Variants in KCNQ1 observed in about 807,000 individuals in gnomAD.
The protein encoded by KCNQ1 is potassium voltage-gated channel subfamily KQT member 1.
In KCNQ1, 49 loss-of-function variants were observed where a neutral mutation model predicts 72.4. That is an observed-to-expected ratio of 0.68 (90% CI 0.54 to 0.86). The LOEUF is 0.86. Ranked by LOEUF, KCNQ1 falls within the 40% of genes least tolerant of loss-of-function variation. KCNQ1 has a pLI of 0.00. For synonymous variants in KCNQ1, 450 were observed against 412.6 expected (o/e 1.09, Z -1.10); for missense variants, 790 against 945.1 (o/e 0.84, Z 2.15).
intron 15 of KCNQ1, among the ~76,000 whole-genome samples, chr11:2,814,217 G>C (rs538972565): frequency 6.6e-6 from 1 of 151,480 alleles, no homozygotes; most frequent in Non-Finnish European, 1.5e-5. Context: ...TGAATGGATA[G>C]AGGTGGATGG....
At position 2,598,674 on chromosome 11, in the gene KCNQ1, A is replaced by T. The variant is rs1848763410; in HGVS notation, c.1393+9820A>T. On this transcript the variant is annotated intron_variant, in intron 10 of 15. Coordinates refer to ENST00000155840, the MANE Select transcript of KCNQ1 (RefSeq NM_000218.3). This position sits in a 1 kb window ranked among gnomAD's most constrained non-coding sequence, Gnocchi z 6.2. ...CAGGAAAATTAAATCTTCCTGTACA[A>T]TTATGTTTCTAAAAATTGAGTGGCA... Among the ~76,000 whole-genome samples the T allele has an allele frequency of 6.6e-6, 1 of 151,816 alleles. No individual in the cohort carries two copies. Among genetic ancestry groups the T allele is most frequent in the South Asian group, 2.1e-4 (1 of 4,818 alleles).
rs544747854 is a variant in KCNQ1 at position 2,499,195 on chromosome 11, G to T, written c.387-28733G>T. On this transcript the variant is annotated intron_variant, in intron 1 of 15. Transcript: ENST00000155840. ...GCCAGATGTAAAGTGTAGAATTTTT[G>T]ATTTTGTTTTTTTGCTTGTTTATGC... Among the ~76,000 whole-genome samples, 484 of 152,222 alleles carry T rather than the reference G, an allele frequency of 3.2e-3. 2 individuals carry two copies. Among genetic ancestry groups the T allele is most frequent in the South Asian group, 0.012 (56 of 4,828 alleles).
chr11:2,805,755 T>C (rs907507805), intron 15 of KCNQ1, among the ~76,000 whole-genome samples: 5 of 152,212 alleles, frequency 3.3e-5, no homozygotes, highest in Non-Finnish European at 7.3e-5. Context: ...TTGTGTGGTC[T>C]TCCGTGCTGG....
intron 1 of KCNQ1, among the ~76,000 whole-genome samples, chr11:2,518,193 C>T (rs781576886): frequency 8.5e-5 from 13 of 152,244 alleles, no homozygotes; most frequent in Non-Finnish European, 1.3e-4. Context: ...CTGCTCTGGT[C>T]GGGGAGGCAG....
In KCNQ1 at chr11:2,715,794, GC is replaced by G. The variant is rs1851082648; in HGVS notation, c.1515-53046del. Among the ~76,000 whole-genome samples the G allele has an allele frequency of 6.6e-6, 1 of 152,218 alleles. No individual in the cohort carries two copies. The highest frequency in any genetic ancestry group is 1.5e-5 in the Non-Finnish European group (1 of 68,034). Reference sequence around the variant, plus strand: ...CTGTGAGGGTTGACCAGCTGGAGCAGCCCCGCATCCCACATCCCCGCAGCCT... The same window carrying G: ...CTGTGAGGGTTGACCAGCTGGAGCAGCCCGCATCCCACATCCCCGCAGCCT... On this transcript the variant is annotated intron_variant, in intron 11 of 15. Transcript: ENST00000155840. This position sits in a 1 kb window ranked among gnomAD's most constrained non-coding sequence, Gnocchi z 4.9.
rs1845942990 is a variant in KCNQ1 at position 2,735,575 on chromosome 11, T to C, written c.1515-33269T>C. On this transcript the variant is annotated intron_variant, in intron 11 of 15. Coordinates refer to ENST00000155840, the MANE Select transcript of KCNQ1 (RefSeq NM_000218.3). The surrounding 1 kb of genome is among the most constrained non-coding windows in gnomAD (Gnocchi z 7.7). ...CCCTCTCCCTCCTCACCATTTTCTGTTGAGCACACTTGAGGAGCACTTGGA... is the reference window on the plus strand; with the variant it reads ...CCCTCTCCCTCCTCACCATTTTCTGCTGAGCACACTTGAGGAGCACTTGGA... 6.6e-6 allele frequency among the ~76,000 whole-genome samples: 1 copy of C among 152,100 alleles called. No homozygotes were observed. Among genetic ancestry groups the C allele is most frequent in the African/African-American group, 2.4e-5 (1 of 41,430 alleles).
intron 1 of KCNQ1, among the ~76,000 whole-genome samples, chr11:2,523,447 G>A (rs963595877): frequency 5.9e-5 from 9 of 152,136 alleles, no homozygotes; most frequent in African/African-American, 1.9e-4. Flanking sequence ...CAATCCTCCC[G>A]CCTCGGCCTC....
chr11:2,665,292 T>C (rs1850046255), intron 11 of KCNQ1: 1 of 398,220 alleles, frequency 2.5e-6, no homozygotes, highest in South Asian at 1.3e-4. Context: ...CCCAGAACCA[T>C]ATGACAGGGC....
intron 11 of KCNQ1, chr11:2,672,936 C>T (rs1850213192): frequency 2.5e-6 from 1 of 398,636 alleles, no homozygotes; most frequent in African/African-American, 2.1e-5. Flanking sequence ...AGGCCCACCA[C>T]AGGTGGCAAG....
chr11:2,633,100 C>G (rs1189705505), intron 10 of KCNQ1: 1 of 398,328 alleles, frequency 2.5e-6, no homozygotes, highest in African/African-American at 2.1e-5. Context: ...TTTTTGAAAA[C>G]AGCCATTCTA....
rs907726229 is a variant in KCNQ1 at position 2,683,329 on chromosome 11, G to T, written c.1514+21248G>T. ...GACACATAGAGGCCAGGTTTCCCCCGCTCAACACTAGGCCACTGTGCCTGC... is the reference window on the plus strand; with the variant it reads ...GACACATAGAGGCCAGGTTTCCCCCTCTCAACACTAGGCCACTGTGCCTGC... On this transcript the variant is annotated intron_variant, in intron 11 of 15. Transcript: ENST00000155840. The surrounding 1 kb of genome is among the most constrained non-coding windows in gnomAD (Gnocchi z 4.7). The T allele has an allele frequency of 2.5e-6, 1 of 398,524 alleles. No homozygotes were observed. Among genetic ancestry groups the T allele is most frequent in the Non-Finnish European group, 4.4e-6 (1 of 226,066 alleles). 24.7% of individuals were successfully genotyped at this position (398,524 alleles called of 1,614,324 possible).
rs1471483883 is a variant in KCNQ1, at chr11:2,572,035, C to T, written c.706C>T (p.Leu236=). ...CAGGGGCATCCGCTTCCTGCAGATC[C>T]TGAGGATGCTACACGTCGACCGCCA... ...AIRGIRFLQI[L]RMLHVDRQGG... The change falls in exon 5 of 16, where the codon CTG becomes TTG. Residue 236 remains leucine (L), a synonymous_variant. Transcript: ENST00000155840. The T allele has an allele frequency of 6.2e-7, 1 of 1,612,736 alleles. No homozygotes were observed. The highest frequency in any genetic ancestry group is 1.7e-5 in the Admixed American group (1 of 59,992).
At chr11:2,580,425 G>A (rs1848482176) in intron 6 of KCNQ1, among the ~76,000 whole-genome samples, 1 of 143,988 alleles carries the variant, frequency 6.9e-6, no homozygotes. Flanking sequence ...TTTTCATAAT[G>A]TCATGAAAAA....
intron 11 of KCNQ1, among the ~76,000 whole-genome samples, chr11:2,761,398 G>T (rs150724360): frequency 1.7e-4 from 26 of 152,252 alleles, no homozygotes; most frequent in African/African-American, 6.0e-4. Context: ...TTGTGTGTCT[G>T]CCCACTAAGG....
At chr11:2,542,709 G>A (rs538826502) in intron 2 of KCNQ1, among the ~76,000 whole-genome samples, 9 of 152,346 alleles carry the variant, frequency 5.9e-5, no homozygotes, top group Middle Eastern at 3.4e-3. Flanking sequence ...CAATCATACA[G>A]TGTGTGGTTT....
Position 2,649,772 on chromosome 11 carries a change from A to T in KCNQ1, c.1394-12189A>T, listed in dbSNP as rs978669024. 1.0e-5 allele frequency: 4 copies of T among 398,392 alleles called. No individual in the cohort carries two copies. The South Asian group carries it at 3.8e-4, about 38-fold the overall frequency. The allele number at this position is 398,392 out of a possible 1,614,324, so 24.7% of individuals were successfully genotyped here. The stretch of plus-strand genomic sequence containing the variant: ...AGTTTGATGAAAATGTGCCTCAGAG[A>T]GGCCCTTTTAGGGTTGAATCTATTT... On this transcript the variant is annotated intron_variant, in intron 10 of 15. Coordinates refer to ENST00000155840, the MANE Select transcript of KCNQ1 (RefSeq NM_000218.3).
Position 2,683,386 on chromosome 11 carries a change from C to T in KCNQ1, c.1514+21305C>T. On this transcript the variant is annotated intron_variant, in intron 11 of 15. Coordinates refer to ENST00000155840, the MANE Select transcript of KCNQ1 (RefSeq NM_000218.3). The surrounding 1 kb of genome is among the most constrained non-coding windows in gnomAD (Gnocchi z 4.7). ...TGTCTGCAAATGCAGGTTCCTGGGG[C>T]TCTGGGTGGTTTGTCCAATGGCTAA... 2.5e-6 allele frequency: 1 copy of T among 398,634 alleles called. No individual in the cohort carries two copies. Among genetic ancestry groups the T allele is most frequent in the Non-Finnish European group, 4.4e-6 (1 of 226,070 alleles). The allele number at this position is 398,634 out of a possible 1,614,324, so 24.7% of individuals were successfully genotyped here. A position where few individuals can be genotyped will look rare whatever the true frequency, so the allele number is the denominator to read the frequency against.
At position 2,611,630 on chromosome 11, in the gene KCNQ1, C is replaced by T. The variant is rs966283706; in HGVS notation, c.1393+22776C>T. On this transcript the variant is annotated intron_variant, in intron 10 of 15. Transcript: ENST00000155840. This position sits in a 1 kb window ranked among gnomAD's most constrained non-coding sequence, Gnocchi z 5.3. Reference sequence around the variant, plus strand: ...AATCTAGAATGTGACTCTTATAGACCATATATATTTGGATCCTGCTTTTAA... The same window carrying T: ...AATCTAGAATGTGACTCTTATAGACTATATATATTTGGATCCTGCTTTTAA... The T allele has an allele frequency of 2.5e-6, 1 of 398,334 alleles. No individual in the cohort carries two copies. Among genetic ancestry groups the T allele is most frequent in the East Asian group, 3.6e-5 (1 of 28,072 alleles). The allele number at this position is 398,334 out of a possible 1,614,324, so 24.7% of individuals were successfully genotyped here. A position where few individuals can be genotyped will look rare whatever the true frequency, so the allele number is the denominator to read the frequency against.
At position 2,759,034 on chromosome 11, in the gene KCNQ1, G is replaced by T. The variant is rs140174537; in HGVS notation, c.1515-9810G>T. 6.6e-6 allele frequency among the ~76,000 whole-genome samples: 1 copy of T among 152,016 alleles called. No homozygotes were observed. Among genetic ancestry groups the T allele is most frequent in the African/African-American group, 2.4e-5 (1 of 41,368 alleles). On this transcript the variant is annotated intron_variant, in intron 11 of 15. Transcript: ENST00000155840. The surrounding 1 kb of genome is among the most constrained non-coding windows in gnomAD (Gnocchi z 4.4). ...ACTGTACCAATGTCAATCTCCTGGC[G>T]TTGATCTGTTACTCCACCCATGCAA...
Sources: allele counts gnomAD v4.1 joint callset (sites outside exome capture counted in the v4.1 genomes callset), GRCh38; gene constraint gnomAD v4.1.1; non-coding constraint Gnocchi (gnomAD v3.1); transcripts MANE v1.5; gene names NCBI Gene and HGNC (gene_info 2026-07-23, HGNC 2026-07-21).